SPON1: variants seen among roughly 807,000 people sequenced by gnomAD.
The protein encoded by SPON1 is spondin-1.
A neutral mutation model predicts 111.7 loss-of-function variants in SPON1; 52 were observed. The ratio of observed to expected loss-of-function variants is 0.47; its 90% confidence interval spans 0.37 to 0.59. SPON1 has a LOEUF of 0.59. SPON1 is among the 20% of genes least tolerant of loss of function. SPON1 has a pLI of 0.00. For synonymous variants in SPON1, 410 were observed against 395.8 expected, an observed-to-expected ratio of 1.04 and a Z score of -0.43; for missense variants, 957 against 1,068.5, an observed-to-expected ratio of 0.90 and a Z score of 1.46.
chr11:14,160,874 T>A (rs1422071161), intron 6 of SPON1, among the ~76,000 whole-genome samples: 1 of 47,246 alleles, frequency 2.1e-5, no homozygotes, highest in African/African-American at 8.6e-5. Context: ...TATATTTTTA[T>A]ATTTTTATAT....
intron 6 of SPON1, among the ~76,000 whole-genome samples, chr11:14,175,751 A>T (rs1554933017): frequency 6.6e-6 from 1 of 152,150 alleles, no homozygotes; most frequent in Non-Finnish European, 1.5e-5. Flanking sequence ...TTTCCAGAAG[A>T]ACCGAGTGGC....
At chr11:13,964,740 C>A (rs1404976662) in intron 1 of SPON1, among the ~76,000 whole-genome samples, 3 of 152,168 alleles carry the variant, frequency 2.0e-5, no homozygotes, top group Admixed American at 6.5e-5. Context: ...CGCCGACGGG[C>A]GGCGACTGCC....
chr11:14,107,085 C>G (rs1849190521), intron 5 of SPON1, among the ~76,000 whole-genome samples: 1 of 152,162 alleles, frequency 6.6e-6, no homozygotes, highest in Non-Finnish European at 1.5e-5. Flanking sequence ...TGGAGCCTCC[C>G]AGGGTCTTGC....
At chr11:14,194,567 C>G (rs6486180) in intron 6 of SPON1, among the ~76,000 whole-genome samples, 50,156 of 139,084 alleles carry the variant, frequency 0.36, 12,062 homozygotes, top group East Asian at 0.48. Flanking sequence ...CACACACACA[C>G]GGACTGCCTG....
chr11:14,168,014 A>G (rs901891633), intron 6 of SPON1, among the ~76,000 whole-genome samples: 11 of 152,182 alleles, frequency 7.2e-5, no homozygotes, highest in Admixed American at 6.5e-4. Context: ...ATGCCTTCTT[A>G]TAATCTTTTA....
In SPON1 at chr11:14,041,630, C is replaced by T. The variant is rs782789355; in HGVS notation, c.455C>T (p.Ala152Val). Residue 152 changes from alanine to valine, a missense_variant, in exon 3 of 16, where the codon GCG becomes GTG. Coordinates refer to ENST00000576479, the MANE Select transcript of SPON1 (RefSeq NM_006108.4). ...CAGGTGTTTTGGATAGCACCACCAG[C>T]GGGAACAGGCTGCGTGATTCTGAAG... ...RIQVFWIAPP[A>V]GTGCVILKAS... The T allele has an allele frequency of 3.7e-6, 6 of 1,613,632 alleles. No homozygotes were observed. The South Asian group carries it at 4.4e-5, about 12-fold the overall frequency.
chr11:14,035,819 C>T (rs782807650), intron 2 of SPON1, among the ~76,000 whole-genome samples: 24 of 151,970 alleles, frequency 1.6e-4, no homozygotes, highest in Admixed American at 7.9e-4. Context: ...GGCCTCACTA[C>T]GTTACCCAGG....
At chr11:14,173,455 G>C (rs150764570) in intron 6 of SPON1, among the ~76,000 whole-genome samples, 1 of 151,924 alleles carries the variant, frequency 6.6e-6, no homozygotes, top group Non-Finnish European at 1.5e-5. Flanking sequence ...CCTTTAGCTC[G>C]GAGTAGTTGG....
At chr11:14,137,859 T>G (rs1405786351) in intron 6 of SPON1, among the ~76,000 whole-genome samples, 2 of 152,176 alleles carry the variant, frequency 1.3e-5, no homozygotes, top group African/African-American at 4.8e-5. Context: ...CTGCTAACAG[T>G]GCCTCAGGTT....
At chr11:14,040,815 A>G (rs989469763) in intron 2 of SPON1, among the ~76,000 whole-genome samples, 3 of 152,100 alleles carry the variant, frequency 2.0e-5, no homozygotes, top group African/African-American at 7.2e-5. Context: ...TTGGATTTAG[A>G]TTACTTTCTC....
chr11:14,231,972 C>CGT lies in SPON1; in HGVS notation c.826-11343_826-11342dup, dbSNP rs10650808. Among the ~76,000 whole-genome samples, 846 of 149,404 alleles carry CGT rather than the reference C, an allele frequency of 5.7e-3. 3 individuals carry two copies. Among genetic ancestry groups the CGT allele is most frequent in the African/African-American group, 0.018 (724 of 40,658 alleles). On this transcript the variant is annotated intron_variant, in intron 6 of 15. Transcript: ENST00000576479. Reference sequence around the variant, plus strand: ...TTTTTGTTTCTCTCTCCTCCTACGCCGTGTGTGTGTGTGTGTGTTTGTCTC... The same window carrying CGT: ...TTTTTGTTTCTCTCTCCTCCTACGCCGTGTGTGTGTGTGTGTGTGTTTGTCTC...
chr11:14,021,856 G>A (rs1372287047), intron 2 of SPON1, among the ~76,000 whole-genome samples: 1 of 152,206 alleles, frequency 6.6e-6, no homozygotes, highest in East Asian at 1.9e-4. Flanking sequence ...TCAATGGCTT[G>A]CGTCTCTAAA....
chr11:13,983,049 C>T, intron 2 of SPON1, 96 bp downstream of exon 2: 2 of 797,792 alleles, frequency 2.5e-6, no homozygotes, highest in South Asian at 3.4e-5. Flanking sequence ...CCATGCAGTC[C>T]CTTGACCGTT....
At chr11:14,091,241 G>A (rs1849053170) in intron 5 of SPON1, among the ~76,000 whole-genome samples, 1 of 152,232 alleles carries the variant, frequency 6.6e-6, no homozygotes, top group Non-Finnish European at 1.5e-5. Context: ...GTCCCCACCA[G>A]ACTCAGGAGC....
intron 6 of SPON1, among the ~76,000 whole-genome samples, chr11:14,157,524 T>C (rs577446433): frequency 6.6e-6 from 1 of 152,202 alleles, no homozygotes; most frequent in Non-Finnish European, 1.5e-5. Context: ...TTATTTATAT[T>C]TATTGTTTTT....
At chr11:14,047,194 G>A (rs550033161) in intron 3 of SPON1, among the ~76,000 whole-genome samples, 9 of 151,932 alleles carry the variant, frequency 5.9e-5, no homozygotes, top group African/African-American at 1.7e-4. Context: ...TTATTATCTA[G>A]CACCTCTAGT....
At chr11:14,159,268 A>G (rs1591392677) in intron 6 of SPON1, among the ~76,000 whole-genome samples, 1 of 152,232 alleles carries the variant, frequency 6.6e-6, no homozygotes, top group East Asian at 1.9e-4. Flanking sequence ...TTGGAAAGAA[A>G]TTACGGGAAA....
intron 3 of SPON1, among the ~76,000 whole-genome samples, chr11:14,057,631 G>A (rs1217495930): frequency 6.6e-6 from 1 of 152,012 alleles, no homozygotes; most frequent in Non-Finnish European, 1.5e-5. Context: ...ACTCTCAAAT[G>A]CTTCAGGGTA....
intron 6 of SPON1, among the ~76,000 whole-genome samples, chr11:14,172,861 A>G (rs1356700371): frequency 6.6e-6 from 1 of 151,844 alleles, no homozygotes; most frequent in Non-Finnish European, 1.5e-5. Context: ...CCAAGAGATC[A>G]GCTGTTAGTC....
Sources: gnomAD v4.1 joint callset for allele counts (sites outside exome capture counted in the v4.1 genomes callset) on GRCh38, gnomAD v4.1.1 for gene constraint, MANE v1.5 for transcripts, NCBI Gene and HGNC (gene_info 2026-07-23, HGNC 2026-07-21) for gene names.